Variants in NT5DC1 observed in about 807,000 individuals in gnomAD.
NT5DC1 encodes the protein 5'-nucleotidase domain containing 1.
NT5DC1 carries 42 observed loss-of-function variants against 59.4 expected under a neutral mutation model. That is an observed-to-expected ratio of 0.71 (90% confidence interval 0.55 to 0.92). The LOEUF (loss-of-function observed/expected upper bound fraction) is 0.92, where lower values mean the gene tolerates loss of function less well. Among genes scored for constraint, NT5DC1 ranks in the 40% least tolerant of loss-of-function variants. The pLI is 0.00. For missense variants in NT5DC1, 501 were observed against 537.1 expected, an observed-to-expected ratio of 0.93 and a Z score of 0.66; for synonymous variants, 172 against 188.1, an observed-to-expected ratio of 0.91 and a Z score of 0.70.
intron 8 of NT5DC1, among the ~76,000 whole-genome samples, chr6:116,228,281 GACGAA>G (rs1469799495): frequency 7.0e-6 from 1 of 143,408 alleles, no homozygotes; most frequent in African/African-American, 3.0e-5. Context: ...GGCTGAGGCG[GACGAA>G]TCACCTGAGG....
intron 4 of NT5DC1, among the ~76,000 whole-genome samples, chr6:116,113,661 T>A (rs1048970187): frequency 1.4e-4 from 22 of 152,332 alleles, no homozygotes; most frequent in African/African-American, 5.3e-4. Flanking sequence ...GACCTTAGCC[T>A]CTTGCATTGT....
chr6:116,220,122 C>CTTTTTTT (rs60827021), intron 6 of NT5DC1, among the ~76,000 whole-genome samples: 193 of 98,628 alleles, frequency 2.0e-3, no homozygotes, highest in East Asian at 3.3e-3. Flanking sequence ...GCTGTTTAAC[C>CTTTTTTT]TTTTTTTTTT....
intron 6 of NT5DC1, chr6:116,125,721 G>T (rs540208621): frequency 2.7e-6 from 1 of 376,316 alleles, no homozygotes; most frequent in South Asian, 3.3e-5. Flanking sequence ...GTAATCAAGT[G>T]AAAATAAAAT....
intron 6 of NT5DC1, among the ~76,000 whole-genome samples, chr6:116,147,521 A>G (rs1779929273): frequency 6.6e-6 from 1 of 152,184 alleles, no homozygotes; most frequent in African/African-American, 2.4e-5. Flanking sequence ...CTATAGTCCT[A>G]ATATATAAGA....
chr6:116,190,262 A>G (rs1287130217), intron 6 of NT5DC1, among the ~76,000 whole-genome samples: 3 of 152,012 alleles, frequency 2.0e-5, no homozygotes, highest in South Asian at 4.1e-4. Flanking sequence ...TAAATTATCT[A>G]TGTATTTTTT....
chr6:116,208,982 C>G (rs1781516867), intron 6 of NT5DC1, among the ~76,000 whole-genome samples: 1 of 151,956 alleles, frequency 6.6e-6, no homozygotes, highest in Non-Finnish European at 1.5e-5. Context: ...TGTTGTCTTT[C>G]ATTAGTTTGA....
intron 6 of NT5DC1, among the ~76,000 whole-genome samples, chr6:116,161,715 T>C (rs568989522): frequency 6.6e-6 from 1 of 152,334 alleles, no homozygotes; most frequent in East Asian, 1.9e-4. Context: ...ATTTAGGCTC[T>C]TATGGGTTCC....
At chr6:116,178,120 T>C (rs1415873919) in intron 6 of NT5DC1, among the ~76,000 whole-genome samples, 9 of 151,508 alleles carry the variant, frequency 5.9e-5, no homozygotes, top group African/African-American at 2.2e-4. Context: ...CGTGTGTGTG[T>C]GTGTGTGTGT....
At chr6:116,146,906 A>G (rs1018347681) in intron 6 of NT5DC1, among the ~76,000 whole-genome samples, 1 of 151,554 alleles carries the variant, frequency 6.6e-6, no homozygotes, top group African/African-American at 2.4e-5. Context: ...AATAAATTCC[A>G]CAGAGATCAA....
intron 8 of NT5DC1, among the ~76,000 whole-genome samples, chr6:116,224,004 A>T (rs181557034): frequency 3.7e-4 from 56 of 152,292 alleles, no homozygotes; most frequent in Non-Finnish European, 5.3e-4. Context: ...TTATATGCAA[A>T]ATATATATAA....
intron 6 of NT5DC1, among the ~76,000 whole-genome samples, chr6:116,178,118 T>C (rs963186462): frequency 2.0e-4 from 30 of 151,202 alleles, no homozygotes; most frequent in African/African-American, 6.4e-4. Context: ...TGCGTGTGTG[T>C]GTGTGTGTGT....
chr6:116,105,586 C>A (rs1275292200), intron 1 of NT5DC1, among the ~76,000 whole-genome samples: 1 of 152,164 alleles, frequency 6.6e-6, no homozygotes, highest in Non-Finnish European at 1.5e-5. Flanking sequence ...TTAGCCAGCA[C>A]TTAAAAACCA....
intron 6 of NT5DC1, among the ~76,000 whole-genome samples, chr6:116,202,123 C>G (rs1159912118): frequency 6.6e-6 from 1 of 151,972 alleles, no homozygotes; most frequent in Non-Finnish European, 1.5e-5. Context: ...CTTAATTTAA[C>G]TTGAAGTAGC....
chr6:116,241,651 C>T (rs886710620), intron 11 of NT5DC1, among the ~76,000 whole-genome samples: 1 of 151,918 alleles, frequency 6.6e-6, no homozygotes, highest in Non-Finnish European at 1.5e-5. Flanking sequence ...CGGCCGGGTG[C>T]GGTGGCTCAC....
chr6:116,120,633 G>T, intron 6 of NT5DC1: 1 of 1,554,372 alleles, frequency 6.4e-7, no homozygotes, highest in Non-Finnish European at 8.6e-7. Context: ...CTTGGACCTG[G>T]AGGCCCTGGT....
chr6:116,161,086 T>C (rs1440190228), intron 6 of NT5DC1, among the ~76,000 whole-genome samples: 1 of 150,336 alleles, frequency 6.7e-6, no homozygotes, highest in East Asian at 2.0e-4. Context: ...TAAACTATCG[T>C]AAGAACAAAA....
At chr6:116,121,610 G>A in intron 6 of NT5DC1, 2 of 1,613,702 alleles carry the variant, frequency 1.2e-6, no homozygotes, top group Non-Finnish European at 1.7e-6. Context: ...AAAGCCCCTG[G>A]GTCCTGGGGC....
chr6:116,119,928 G>A (rs1383740082), intron 6 of NT5DC1: 2 of 783,058 alleles, frequency 2.6e-6, no homozygotes, highest in Non-Finnish European at 2.1e-6. Context: ...CAGGGGGAAG[G>A]TTTGTTGGTC....
intron 6 of NT5DC1, among the ~76,000 whole-genome samples, chr6:116,135,685 G>A (rs928605441): frequency 2.7e-5 from 4 of 150,664 alleles, no homozygotes; most frequent in Admixed American, 2.0e-4. Context: ...TATATATGCT[G>A]CTGGCAGTAC....
Sources: gnomAD v4.1 joint callset for allele counts (sites outside exome capture counted in the v4.1 genomes callset) on GRCh38, gnomAD v4.1.1 for gene constraint, MANE v1.5 for transcripts, NCBI Gene and HGNC (gene_info 2026-07-23, HGNC 2026-07-21) for gene names.